WBP2NL: variants seen among roughly 807,000 people sequenced by gnomAD.
The protein encoded by WBP2NL is postacrosomal sheath WW domain-binding protein.
In WBP2NL, 27 loss-of-function variants were observed where a neutral mutation model predicts 23.3. The observed-to-expected ratio is 1.16, with a 90% confidence interval of 0.85 to 1.60. The LOEUF is 1.60. WBP2NL is among the 40% of genes most tolerant of loss of function. The pLI, the probability that WBP2NL is intolerant of heterozygous loss-of-function variation, is 0.00. For missense variants in WBP2NL, 370 were observed against 389.5 expected (o/e 0.95, Z 0.42); for synonymous variants, 151 against 145.9 (o/e 1.03, Z -0.25).
chr22:42,005,077 C>T (rs1372916429), intron 1 of WBP2NL, among the ~76,000 whole-genome samples: 1 of 150,506 alleles, frequency 6.6e-6, no homozygotes, highest in South Asian at 2.1e-4. Context: ...ATTAGCCAGG[C>T]GTGGTGGTGC....
intron 8 of WBP2NL, among the ~76,000 whole-genome samples, chr22:42,053,680 G>A (rs1413134171): frequency 7.2e-5 from 11 of 151,798 alleles, no homozygotes; most frequent in Admixed American, 4.6e-4. Flanking sequence ...GGCTGGTCTC[G>A]AACTCCTGAC....
rs547256971 is a variant in WBP2NL, at chr22:42,009,328, T to G, written c.63-9983T>G. 1.2e-4 allele frequency among the ~76,000 whole-genome samples: 18 copies of G among 152,340 alleles called. No homozygotes were observed. In the South Asian group the frequency reaches 3.7e-3, roughly 32 times the overall value. ...ATTTTTAAGTTTGATATAGTCCAATTTATTTATTTGTTCTTTTGTTGCCGG... is the reference window on the plus strand; with the variant it reads ...ATTTTTAAGTTTGATATAGTCCAATGTATTTATTTGTTCTTTTGTTGCCGG... On this transcript the variant is annotated intron_variant, in intron 1 of 5. Coordinates refer to ENST00000328823, the MANE Select transcript of WBP2NL (RefSeq NM_152613.3).
chr22:42,019,241 T>A, intron 1 of WBP2NL, 70 bp from the exon 2 acceptor site: 6 of 1,463,846 alleles, frequency 4.1e-6, no homozygotes, highest in Non-Finnish European at 4.7e-6. Context: ...AAAAATTGCG[T>A]TAAGAACTTT....
intron 8 of WBP2NL, among the ~76,000 whole-genome samples, chr22:42,049,001 G>C (rs1925710973): frequency 6.6e-6 from 1 of 152,118 alleles, no homozygotes; most frequent in South Asian, 2.1e-4. Flanking sequence ...ATAAGGAAAG[G>C]AAATAAAAGG....
chr22:42,006,891 C>T lies in WBP2NL; in HGVS notation c.62+8011C>T, dbSNP rs536884997. Among the ~76,000 whole-genome samples, 61 of 152,268 alleles carry T rather than the reference C, an allele frequency of 4.0e-4. 2 individuals carry two copies. In the South Asian group the frequency reaches 0.012, roughly 29 times the overall value. Reference sequence around the variant, plus strand: ...TCATGAACATATGGGACAGACTCTACTGTAAAATGGGAATCATTGAGTTGT... The same window carrying T: ...TCATGAACATATGGGACAGACTCTATTGTAAAATGGGAATCATTGAGTTGT... On this transcript the variant is annotated intron_variant, in intron 1 of 5. Transcript: ENST00000328823.
At chr22:42,034,847 G>A (rs59922502), downstream of WBP2NL, among the ~76,000 whole-genome samples, 3,603 of 152,254 alleles carry the variant, frequency 0.024, 157 homozygotes, top group African/African-American at 0.083. Context: ...TGTTCTGCCC[G>A]GCTCACCGGT....
At chr22:42,053,950 CTTTG>C (rs925656916) in intron 8 of WBP2NL, among the ~76,000 whole-genome samples, 5 of 152,094 alleles carry the variant, frequency 3.3e-5, no homozygotes, top group East Asian at 3.9e-4. Context: ...TGTCTTTTAA[CTTTG>C]TTTATTTTTT....
chr22:42,009,429 A>G (rs1475496530), intron 1 of WBP2NL, among the ~76,000 whole-genome samples: 4 of 151,876 alleles, frequency 2.6e-5, no homozygotes, highest in Admixed American at 2.0e-4. Context: ...TTTTTCTAGG[A>G]GTTTTATAGT....
intron 1 of WBP2NL, among the ~76,000 whole-genome samples, chr22:42,009,296 A>C (rs1163005471): frequency 6.6e-6 from 1 of 152,130 alleles, no homozygotes; most frequent in African/African-American, 2.4e-5. Context: ...GTGTCCTTTG[A>C]TACACAATTT....
intron 8 of WBP2NL, among the ~76,000 whole-genome samples, chr22:42,047,337 CA>C (rs1358651989): frequency 1.3e-5 from 2 of 149,088 alleles, no homozygotes; most frequent in Non-Finnish European, 3.0e-5. Context: ...TCTCTGAGAC[CA>C]AAAATATGTA....
intron 1 of WBP2NL, among the ~76,000 whole-genome samples, chr22:41,999,578 G>A (rs1174614245): frequency 6.6e-6 from 1 of 152,164 alleles, no homozygotes; most frequent in African/African-American, 2.4e-5. Context: ...AGACAAGACT[G>A]GGCAACATAG....
rs1377148911 is a variant in WBP2NL, at chr22:42,026,926, A to G, written c.675A>G (p.Gly225=). 5 of 1,613,564 alleles carry G rather than the reference A, an allele frequency of 3.1e-6. No individual in the cohort carries two copies. In the African/African-American group the frequency reaches 5.3e-5, roughly 17 times the overall value. The change falls in exon 6 of 6, where the codon GGA becomes GGG. Residue 225 remains glycine, a synonymous_variant. Transcript: ENST00000328823. ...VRYGAPPLGY[G]APPAGYGAPP... is the part of the protein sequence containing the mutation. ...ATGGAGCCCCACCTCTTGGATACGG[A>G]GCCCCACCTGCAGGATATGGAGCCC...
intron 1 of WBP2NL, 143 bp downstream of exon 1, chr22:41,999,023 A>G: frequency 3.5e-6 from 3 of 866,638 alleles, no homozygotes; most frequent in South Asian, 5.1e-5. Context: ...GACCTTTGGG[A>G]GCGCGCGCCC....
intron 8 of WBP2NL, among the ~76,000 whole-genome samples, chr22:42,040,379 C>T (rs927826069): frequency 2.6e-5 from 4 of 152,082 alleles, no homozygotes; most frequent in African/African-American, 4.8e-5. Context: ...CCTGCCACCA[C>T]GCCTGGCTAA....
At chr22:41,999,531 C>T (rs555903922) in intron 1 of WBP2NL, among the ~76,000 whole-genome samples, 8 of 152,266 alleles carry the variant, frequency 5.3e-5, no homozygotes, top group East Asian at 1.9e-4. Flanking sequence ...GCCTCTTATC[C>T]CAACAGTTTG....
intron 8 of WBP2NL, among the ~76,000 whole-genome samples, chr22:42,050,777 G>T (rs1176881746): frequency 6.6e-6 from 1 of 151,962 alleles, no homozygotes; most frequent in Non-Finnish European, 1.5e-5. Flanking sequence ...TATCATTAAG[G>T]AATTGCAAAT....
intron 1 of WBP2NL, among the ~76,000 whole-genome samples, chr22:42,009,500 A>C (rs1922610380): frequency 6.6e-6 from 1 of 152,172 alleles, no homozygotes; most frequent in Admixed American, 6.5e-5. Flanking sequence ...ACTATGTAAG[A>C]TAAAGGTATG....
At position 42,048,127 on chromosome 22, in the gene WBP2NL, A is replaced by C. The variant is rs968853160; in HGVS notation, c.*274-10163A>C. Among the ~76,000 whole-genome samples the C allele has an allele frequency of 2.0e-5, 3 of 152,046 alleles. No homozygotes were observed. In the East Asian group the frequency reaches 5.8e-4, roughly 30 times the overall value. Reference sequence around the variant, plus strand: ...TATAATCCATCACATCAACAATCTAAAGAAGAAAAATAGGCTGGGTGCGGT... The same window carrying C: ...TATAATCCATCACATCAACAATCTACAGAAGAAAAATAGGCTGGGTGCGGT... On this transcript the variant is annotated intron_variant and NMD_transcript_variant, in intron 8 of 8. Coordinates refer to the WBP2NL transcript ENST00000436265.
chr22:42,041,913 A>G (rs559040075), intron 8 of WBP2NL, among the ~76,000 whole-genome samples: 4 of 152,184 alleles, frequency 2.6e-5, no homozygotes, highest in Non-Finnish European at 5.9e-5. Context: ...GGGAAAGACT[A>G]TCTCTCTTTC....
Sources: allele counts gnomAD v4.1 joint callset (sites outside exome capture counted in the v4.1 genomes callset), GRCh38; gene constraint gnomAD v4.1.1; transcripts MANE v1.5; gene names NCBI Gene and HGNC (gene_info 2026-07-23, HGNC 2026-07-21).